CACNA1I: variants seen among roughly 807,000 people sequenced by gnomAD.
CACNA1I encodes the protein voltage-dependent T-type calcium channel subunit alpha-1I.
In CACNA1I, 74 loss-of-function variants were observed where a neutral mutation model predicts 201.6. The ratio of observed to expected loss-of-function variants is 0.37; its 90% CI spans 0.30 to 0.45. The LOEUF is 0.45. Among genes scored for constraint, CACNA1I ranks in the 20% least tolerant of loss-of-function variants. The pLI is 1.00. For missense variants in CACNA1I, 2,346 were observed against 3,138.1 expected, an observed-to-expected ratio of 0.75 and a Z score of 6.03; for synonymous variants, 1,431 against 1,345.2, an observed-to-expected ratio of 1.06 and a Z score of -1.40.
At chr22:39,594,238 T>C (rs796588517) in intron 1 of CACNA1I, among the ~76,000 whole-genome samples, 220 of 152,086 alleles carry the variant, frequency 1.4e-3, no homozygotes, top group African/African-American at 5.2e-3. Context: ...GCTCAGGGCC[T>C]TGTTGAGGAG....
intron 26 of CACNA1I, 44 bp downstream of exon 26, chr22:39,670,998 G>A: frequency 6.2e-7 from 1 of 1,603,902 alleles, no homozygotes; most frequent in Non-Finnish European, 8.5e-7. Flanking sequence ...CAAGGTGAGG[G>A]TGGGGTCTCA....
rs771386804 is a variant in CACNA1I, at chr22:39,640,906, G to T, written c.780G>T (p.Glu260Asp). 2.5e-6 allele frequency: 4 copies of T among 1,613,856 alleles called. No individual in the cohort carries two copies. The highest frequency in any genetic ancestry group is 3.4e-6 in the Non-Finnish European group (4 of 1,179,824). ...DVALPPYYQP[E>D]EDDEMPFICS... is the part of the protein sequence containing the mutation. ...CCTTGCCCCCATACTACCAGCCGGAGGAGGATGATGAGATGCCCTTCATCT... is the reference window on the plus strand; with the variant it reads ...CCTTGCCCCCATACTACCAGCCGGATGAGGATGATGAGATGCCCTTCATCT... The change falls in exon 6 of 37, where the codon GAG becomes GAT. Residue 260 changes from glutamate (E) to aspartate (D), a missense_variant. Transcript: ENST00000402142.
chr22:39,584,700 T>A (rs964586091), intron 1 of CACNA1I, among the ~76,000 whole-genome samples: 1 of 152,210 alleles, frequency 6.6e-6, no homozygotes, highest in Admixed American at 6.5e-5. Flanking sequence ...CTGGGGTTCA[T>A]GAGCTTGCAT....
At chr22:39,619,559 G>T (rs180827764) in intron 4 of CACNA1I, among the ~76,000 whole-genome samples, 152 bp downstream of exon 4, 225 of 151,614 alleles carry the variant, frequency 1.5e-3, no homozygotes, top group African/African-American at 5.3e-3. Context: ...GGATCCTGCG[G>T]TGTCTATCTA....
In CACNA1I at chr22:39,659,962, A is replaced by T. The variant is rs1298479920; in HGVS notation, c.2604+110A>T. On this transcript the variant is annotated intron_variant, in intron 14 of 36. Transcript: ENST00000402142. The surrounding 1 kb of genome is among the most constrained non-coding windows in gnomAD (Gnocchi z 4.3). Reference sequence around the variant, plus strand: ...CTGCAATTCAAACTTCTAGCAGGCAACCTATCCCTAAAGGAGGGGGTTGCT... The same window carrying T: ...CTGCAATTCAAACTTCTAGCAGGCATCCTATCCCTAAAGGAGGGGGTTGCT... 5 of 1,235,680 alleles carry T rather than the reference A, an allele frequency of 4.0e-6. No homozygotes were observed. Among genetic ancestry groups the T allele is most frequent in the Non-Finnish European group, 5.8e-6 (5 of 863,052 alleles). 76.5% of individuals were successfully genotyped at this position (1,235,680 alleles called of 1,614,324 possible).
chr22:39,573,148 A>G (rs1932241026), intron 1 of CACNA1I, among the ~76,000 whole-genome samples: 1 of 152,118 alleles, frequency 6.6e-6, no homozygotes, highest in South Asian at 2.1e-4. Flanking sequence ...GGGCGGCCGC[A>G]GGAATTTTGG....
At position 39,619,376 on chromosome 22, in the gene CACNA1I, G is replaced by A. The variant is rs974967532; in HGVS notation, c.549G>A (p.Leu183=). Residue 183 remains leucine (L), a synonymous_variant, in exon 4 of 37, where the codon CTG becomes CTA. Transcript: ENST00000402142. ...CAGCCATCCGCACCGTGCGCGTCCTGAGGCCCCTCAAAGCCATCAACCGCG... is the reference window on the plus strand; with the variant it reads ...CAGCCATCCGCACCGTGCGCGTCCTAAGGCCCCTCAAAGCCATCAACCGCG... The part of the protein sequence containing the change: ...NLSAIRTVRV[L]RPLKAINRVP... 1 of 1,609,266 alleles carries A rather than the reference G, an allele frequency of 6.2e-7. No homozygotes were observed. Among genetic ancestry groups the A allele is most frequent in the East Asian group, 2.2e-5 (1 of 44,886 alleles).
intron 24 of CACNA1I, among the ~76,000 whole-genome samples, chr22:39,669,192 G>T (rs1403103982): frequency 6.6e-6 from 1 of 152,198 alleles, no homozygotes; most frequent in Non-Finnish European, 1.5e-5. Context: ...TGGAAGCAGG[G>T]CTGTGTGCAA....
intron 1 of CACNA1I, among the ~76,000 whole-genome samples, chr22:39,597,826 G>C (rs1376285131): frequency 6.6e-6 from 1 of 152,210 alleles, no homozygotes; most frequent in East Asian, 1.9e-4. Context: ...GGAGAGGCTG[G>C]GACAGCCCAG....
chr22:39,600,848 A>G (rs1027015714), intron 3 of CACNA1I, among the ~76,000 whole-genome samples, 195 bp downstream of exon 3: 4 of 152,144 alleles, frequency 2.6e-5, no homozygotes, highest in African/African-American at 9.7e-5. Flanking sequence ...GTCCTCCAGC[A>G]CTGCCAGCGG....
intron 1 of CACNA1I, among the ~76,000 whole-genome samples, chr22:39,595,720 T>A (rs1473160744): frequency 6.6e-6 from 1 of 152,116 alleles, no homozygotes; most frequent in Admixed American, 6.5e-5. Flanking sequence ...AATCTCTTAT[T>A]GTACCGCACT....
chr22:39,676,453 A>C lies in CACNA1I; in HGVS notation c.4855-888A>C, dbSNP rs1935515433. Among the ~76,000 whole-genome samples the C allele has an allele frequency of 6.6e-6, 1 of 152,142 alleles. No homozygotes were observed. The highest frequency in any genetic ancestry group is 6.5e-5 in the Admixed American group (1 of 15,272). On this transcript the variant is annotated intron_variant, in intron 29 of 36. Transcript: ENST00000402142. This position sits in a 1 kb window ranked among gnomAD's most constrained non-coding sequence, Gnocchi z 4.8. ...AACGTGAACGTTTTCTGAGGGTTCT[A>C]AGGCCTTCTGAGGGTTCTAAGAGAT...
At chr22:39,573,632 C>A (rs1275232496) in intron 1 of CACNA1I, among the ~76,000 whole-genome samples, 1 of 152,158 alleles carries the variant, frequency 6.6e-6, no homozygotes, top group African/African-American at 2.4e-5. Flanking sequence ...ATCTCAGGCA[C>A]CCTGACGCCT....
At chr22:39,595,846 G>GT (rs1425038981) in intron 1 of CACNA1I, among the ~76,000 whole-genome samples, 1 of 151,812 alleles carries the variant, frequency 6.6e-6, no homozygotes, top group Non-Finnish European at 1.5e-5. Context: ...ATGTTAGGCC[G>GT]TGAGTGTAAA....
In CACNA1I at chr22:39,688,511, G is replaced by A. The variant is rs994159630; in HGVS notation, c.*2106G>A. ...GACAGACTTGACTTTTTGCAAGTCC[G>A]CGTGTTGCTGGAGGGACACGTGTAT... is the stretch of plus-strand genomic sequence containing the variant. On this transcript the variant is annotated 3_prime_UTR_variant, in exon 37 of 37. Coordinates refer to ENST00000402142, the MANE Select transcript of CACNA1I (RefSeq NM_021096.4). This position sits in a 1 kb window ranked among gnomAD's most constrained non-coding sequence, Gnocchi z 4.8. The A allele has an allele frequency of 5.3e-5, 8 of 152,168 alleles. No individual in the cohort carries two copies. Among genetic ancestry groups the A allele is most frequent in the Non-Finnish European group, 8.8e-5 (6 of 68,034 alleles). 9.4% of individuals were successfully genotyped at this position (152,168 alleles called of 1,614,324 possible).
At chr22:39,588,895 TTC>T (rs1328167685) in intron 1 of CACNA1I, among the ~76,000 whole-genome samples, 1 of 152,238 alleles carries the variant, frequency 6.6e-6, no homozygotes, top group Non-Finnish European at 1.5e-5. Context: ...TGCGTCTGGC[TTC>T]TGTTTCCCAG....
rs181372699 is a variant in CACNA1I, at chr22:39,572,289, G to A, written c.236+1301G>A. Among the ~76,000 whole-genome samples the A allele has an allele frequency of 3.3e-5, 5 of 152,148 alleles. No homozygotes were observed. The East Asian group carries it at 9.7e-4, about 29-fold the overall frequency. On this transcript the variant is annotated intron_variant, in intron 1 of 36. Coordinates refer to ENST00000402142, the MANE Select transcript of CACNA1I (RefSeq NM_021096.4). ...GCCATGGTGGCCTTGTGGTTTGAGG[G>A]TCCCACCAAAAAATGCCCATATGTG... is the stretch of plus-strand genomic sequence containing the variant.
Position 39,649,542 on chromosome 22 carries a change from A to G in CACNA1I, c.1609A>G (p.Thr537Ala). Reference protein sequence around the residue: ...QHSPLDATPHTLVQPIPATLA... With the variant: ...QHSPLDATPHALVQPIPATLA... ...TAGCCCCCTGGATGCGACGCCCCAC[A>G]CCCTGGTGCAGCCCATCCCCGCCAC... Residue 537 changes from threonine to alanine, a missense_variant, in exon 10 of 37, where the codon ACC (threonine) becomes GCC (alanine). This residue lies in a region of CACNA1I where 312 missense variants were observed against 331.5 expected (regional missense o/e 0.94). Transcript: ENST00000402142. The surrounding 1 kb of genome is among the most constrained non-coding windows in gnomAD (Gnocchi z 7.3). 1 of 1,550,418 alleles carries G rather than the reference A, an allele frequency of 6.4e-7. No individual in the cohort carries two copies. The highest frequency in any genetic ancestry group is 8.7e-7 in the Non-Finnish European group (1 of 1,147,324).
chr22:39,661,002 T>C, intron 15 of CACNA1I, 106 bp from the exon 16 acceptor site: 2 of 916,992 alleles, frequency 2.2e-6, no homozygotes, highest in Non-Finnish European at 3.5e-6. Flanking sequence ...TTAGAAAAGC[T>C]CTCCATTTCT....
Sources: gnomAD v4.1 joint callset for allele counts (sites outside exome capture counted in the v4.1 genomes callset) on GRCh38, gnomAD v4.1.1 for gene constraint, gnomAD v4.1.1 regional missense constraint, Gnocchi (gnomAD v3.1) non-coding constraint, MANE v1.5 for transcripts, NCBI Gene and HGNC (gene_info 2026-07-23, HGNC 2026-07-21) for gene names.